The following FNDC3B variants were observed in gnomAD, a reference collection of about 807,000 sequenced individuals.
The protein encoded by FNDC3B is fibronectin type III domain-containing protein 3B.
Under a neutral mutation model 151.5 loss-of-function variants are expected in FNDC3B, and 12 were observed. The ratio of observed to expected loss-of-function variants is 0.08; its 90% CI spans 0.05 to 0.13. FNDC3B has a LOEUF of 0.13. Ranked by LOEUF, FNDC3B falls within the 10% of genes least tolerant of loss-of-function variation. The pLI, the probability that FNDC3B is intolerant of heterozygous loss-of-function variation, is 1.00. For missense variants in FNDC3B, 1,214 were observed against 1,505.3 expected, an observed-to-expected ratio of 0.81 and a Z score of 3.20; for synonymous variants, 528 against 549.0, an observed-to-expected ratio of 0.96 and a Z score of 0.54.
chr3:172,264,131 C>A (rs1346184686), intron 6 of FNDC3B, among the ~76,000 whole-genome samples: 2 of 152,170 alleles, frequency 1.3e-5, no homozygotes, highest in African/African-American at 2.4e-5. Context: ...GAACTACAGA[C>A]ATGTGCCACC....
intron 22 of FNDC3B, among the ~76,000 whole-genome samples, chr3:172,359,871 G>A (rs1734284113): frequency 6.6e-6 from 1 of 152,156 alleles, no homozygotes. Flanking sequence ...TTTTTGCTCT[G>A]CTTTATCAGA....
chr3:172,256,102 A>G (rs1391971699), intron 6 of FNDC3B, among the ~76,000 whole-genome samples: 1 of 152,244 alleles, frequency 6.6e-6, no homozygotes. Flanking sequence ...AATAAAGTCT[A>G]AACTGCATGA....
intron 3 of FNDC3B, among the ~76,000 whole-genome samples, chr3:172,138,044 C>G (rs1022893861): frequency 6.6e-6 from 1 of 152,208 alleles, no homozygotes; most frequent in Non-Finnish European, 1.5e-5. Context: ...ATGCAGCCTT[C>G]CTTCCTGTCT....
chr3:172,393,541 A>C (rs902556551), intron 25 of FNDC3B, among the ~76,000 whole-genome samples: 15 of 152,206 alleles, frequency 9.9e-5, no homozygotes, highest in African/African-American at 3.6e-4. Flanking sequence ...CTGTATACAC[A>C]TCCTTCTCAA....
rs1357155058 is a variant in FNDC3B, at chr3:172,352,861, C to T, written c.2573C>T (p.Ala858Val). 6.2e-7 allele frequency: 1 copy of T among 1,614,184 alleles called. No homozygotes were observed. The highest frequency in any genetic ancestry group is 8.5e-7 in the Non-Finnish European group (1 of 1,180,024). The stretch of plus-strand genomic sequence containing the variant: ...GAACTTGTCCTTTGCCAGACGCCAG[C>T]GTCTGCCCCTGACCCCGTCTCCACT... ...YSELVLCQTP[A>V]SAPDPVSTLC... Residue 858 changes from alanine (A) to valine (V), a missense_variant, in exon 22 of 26, where the codon GCG becomes GTG. Coordinates refer to ENST00000415807, the MANE Select transcript of FNDC3B (RefSeq NM_022763.4). This position sits in a 1 kb window ranked among gnomAD's most constrained non-coding sequence, Gnocchi z 4.2.
rs536244581 is a variant in FNDC3B, at chr3:172,279,307, C to T, written c.791-6619C>T. On this transcript the variant is annotated intron_variant, in intron 6 of 25. Transcript: ENST00000415807. ...CAGAGGAAATTAGCCCCTGTTGTCC[C>T]ATTGACATTCTCTGGCCATCTCTCC... is the stretch of plus-strand genomic sequence containing the variant. Among the ~76,000 whole-genome samples, 3 of 152,322 alleles carry T rather than the reference C, an allele frequency of 2.0e-5. No individual in the cohort carries two copies. In the East Asian group the frequency reaches 5.8e-4, roughly 29 times the overall value.
chr3:172,212,965 T>TTTTTTTAC (rs1207762581), intron 3 of FNDC3B, among the ~76,000 whole-genome samples: 93 of 152,344 alleles, frequency 6.1e-4, no homozygotes, highest in African/African-American at 1.8e-3. Context: ...AACAATTCAG[T>TTTTTTTAC]TGAGATTAAT....
At chr3:172,118,540 G>A (rs6793173) in intron 2 of FNDC3B, among the ~76,000 whole-genome samples, 3,472 of 152,316 alleles carry the variant, frequency 0.023, 126 homozygotes, top group African/African-American at 0.079. Flanking sequence ...GAGAATGGGA[G>A]TGACAGTTAA....
At chr3:172,126,317 A>C (rs1387615021) in intron 2 of FNDC3B, among the ~76,000 whole-genome samples, 1 of 152,124 alleles carries the variant, frequency 6.6e-6, no homozygotes, top group Non-Finnish European at 1.5e-5. Context: ...TGCTCTCTGT[A>C]GAGGCTAGTG....
intron 21 of FNDC3B, among the ~76,000 whole-genome samples, chr3:172,347,615 C>T (rs1010673098): frequency 4.6e-5 from 7 of 152,230 alleles, no homozygotes; most frequent in Non-Finnish European, 7.3e-5. Context: ...TGTATCTTGT[C>T]TGTTCATCAG....
intron 3 of FNDC3B, among the ~76,000 whole-genome samples, chr3:172,160,692 A>G (rs1177237009): frequency 1.3e-5 from 2 of 152,236 alleles, no homozygotes; most frequent in Admixed American, 6.5e-5. Context: ...ATACTCATCT[A>G]TAAAGAATAG....
At chr3:172,336,062 A>G (rs1732946821) in intron 15 of FNDC3B, among the ~76,000 whole-genome samples, 1 of 152,174 alleles carries the variant, frequency 6.6e-6, no homozygotes, top group East Asian at 1.9e-4. Context: ...TGTCAACACT[A>G]CTTACTTTCA....
chr3:172,313,039 T>C (rs1282236300), intron 11 of FNDC3B, among the ~76,000 whole-genome samples: 1 of 152,164 alleles, frequency 6.6e-6, no homozygotes, highest in Non-Finnish European at 1.5e-5. Flanking sequence ...CAGCTTTTCC[T>C]CTCACTTTTC....
intron 6 of FNDC3B, among the ~76,000 whole-genome samples, chr3:172,264,127 C>T (rs959911189): frequency 6.6e-6 from 1 of 152,184 alleles, no homozygotes; most frequent in Non-Finnish European, 1.5e-5. Context: ...GCTGGAACTA[C>T]AGACATGTGC....
chr3:172,272,057 A>C (rs1729226286), intron 6 of FNDC3B, among the ~76,000 whole-genome samples: 1 of 152,128 alleles, frequency 6.6e-6, no homozygotes. Flanking sequence ...GAGATGGGTA[A>C]TTTTTGCTTT....
Position 172,226,843 on chromosome 3 carries a change from C to T in FNDC3B, c.188-28C>T, listed in dbSNP as rs377221020. The T allele has an allele frequency of 2.2e-6, 3 of 1,358,890 alleles. No individual in the cohort carries two copies. In the African/African-American group the frequency reaches 4.3e-5, roughly 19 times the overall value. The allele number at this position is 1,358,890 out of a possible 1,614,324, so 84.2% of individuals were successfully genotyped here. Reference sequence around the variant, plus strand: ...TTTTGAATAATGTATGTTTCTTCAGCTATTAACATCTGACTCGTCTGTTTT... The same window carrying T: ...TTTTGAATAATGTATGTTTCTTCAGTTATTAACATCTGACTCGTCTGTTTT... On this transcript the variant is annotated intron_variant, in intron 3 of 25. Transcript: ENST00000415807.
At chr3:172,373,463 TCTC>T (rs1393764218) in intron 23 of FNDC3B, among the ~76,000 whole-genome samples, 3 of 152,186 alleles carry the variant, frequency 2.0e-5, no homozygotes, top group South Asian at 2.1e-4. Context: ...CAAATGCTGT[TCTC>T]CTCTTCATGG....
At chr3:172,219,529 G>A (rs1726163698) in intron 3 of FNDC3B, among the ~76,000 whole-genome samples, 1 of 152,170 alleles carries the variant, frequency 6.6e-6, no homozygotes, top group Non-Finnish European at 1.5e-5. Flanking sequence ...TATTCACAAT[G>A]TTATGCAACC....
At chr3:172,319,949 T>G (rs1312351003) in intron 11 of FNDC3B, among the ~76,000 whole-genome samples, 1 of 152,196 alleles carries the variant, frequency 6.6e-6, no homozygotes, top group Admixed American at 6.5e-5. Flanking sequence ...CCAGAATCCT[T>G]CAGCCCATGT....
Sources: gnomAD v4.1 joint callset for allele counts (sites outside exome capture counted in the v4.1 genomes callset) on GRCh38, gnomAD v4.1.1 for gene constraint, Gnocchi (gnomAD v3.1) non-coding constraint, MANE v1.5 for transcripts, NCBI Gene and HGNC (gene_info 2026-07-23, HGNC 2026-07-21) for gene names.